Variants in CSRNP3 observed in about 807,000 individuals in gnomAD.
CSRNP3 encodes cysteine/serine-rich nuclear protein 3.
A neutral mutation model predicts 48.0 loss-of-function variants in CSRNP3; 12 were observed. The observed-to-expected ratio is 0.25, with a 90% confidence interval of 0.16 to 0.41. The LOEUF (loss-of-function observed/expected upper bound fraction) is 0.41. Among genes scored for constraint, CSRNP3 ranks in the 10% least tolerant of loss-of-function variants. The pLI is 1.00. For missense variants in CSRNP3, 580 were observed against 724.4 expected (o/e 0.80, Z 2.29); for synonymous variants, 263 against 269.7 (o/e 0.98, Z 0.24).
rs1291170889 is a variant in CSRNP3, at chr2:165,681,760, T to TATACAC, written c.*2008_*2009insTACACA. On this transcript the variant is annotated 3_prime_UTR_variant, in exon 7 of 7. Transcript: ENST00000651982. ...ATATATATATATATATATATATATA[T>TATACAC]ACACACACACACACACATACACATA... The TATACAC allele has an allele frequency of 1.3e-4, 6 of 44,726 alleles. No individual in the cohort carries two copies. Among genetic ancestry groups the TATACAC allele is most frequent in the African/African-American group, 3.0e-4 (5 of 16,410 alleles). 2.8% of individuals were successfully genotyped at this position (44,726 alleles called of 1,614,324 possible).
chr2:165,541,611 TG>T (rs1196312115), intron 3 of CSRNP3, among the ~76,000 whole-genome samples: 1 of 152,096 alleles, frequency 6.6e-6, no homozygotes, highest in Admixed American at 6.6e-5. Flanking sequence ...GATACAAAGG[TG>T]AATTAGATAA....
chr2:165,674,717 T>TAAAA (rs1687393784), intron 5 of CSRNP3, among the ~76,000 whole-genome samples: 1 of 137,910 alleles, frequency 7.3e-6, no homozygotes, highest in African/African-American at 2.7e-5. Flanking sequence ...TATATATAAT[T>TAAAA]TGTTTATTTA....
At position 165,684,616 on chromosome 2, in the gene CSRNP3, TC is replaced by T. The variant is rs1687600282; in HGVS notation, c.*4864del. The stretch of plus-strand genomic sequence containing the variant: ...TTCACCTTCTGATTGCATTACTTTT[TC>T]TGAAATCTGCTAACTAGTGCTGGAA... On this transcript the variant is annotated 3_prime_UTR_variant, in exon 7 of 7. Transcript: ENST00000651982. 2 of 123,492 alleles carry T rather than the reference TC, an allele frequency of 1.6e-5. No individual in the cohort carries two copies. Among genetic ancestry groups the T allele is most frequent in the African/African-American group, 5.2e-5 (2 of 38,494 alleles). The allele number at this position is 123,492 out of a possible 1,614,324, so 7.6% of individuals were successfully genotyped here. A position where few individuals can be genotyped will look rare whatever the true frequency, so the allele number is the denominator to read the frequency against.
chr2:165,536,235 C>CAG (rs1684880162), intron 3 of CSRNP3, among the ~76,000 whole-genome samples: 1 of 151,886 alleles, frequency 6.6e-6, no homozygotes, highest in Admixed American at 6.6e-5. Context: ...GTTATTAGTT[C>CAG]AGTACTGGCA....
At chr2:165,649,049 G>C (rs978091986) in intron 4 of CSRNP3, among the ~76,000 whole-genome samples, 4 of 152,144 alleles carry the variant, frequency 2.6e-5, no homozygotes, top group African/African-American at 9.7e-5. Context: ...GTAACTGACA[G>C]ACTGAATGGA....
intron 4 of CSRNP3, among the ~76,000 whole-genome samples, chr2:165,643,735 T>A (rs1195058624): frequency 6.6e-6 from 1 of 152,224 alleles, no homozygotes; most frequent in Non-Finnish European, 1.5e-5. Flanking sequence ...CTTTGCTTAT[T>A]TCTGCTCCTT....
chr2:165,510,412 A>C (rs576619594), intron 2 of CSRNP3, among the ~76,000 whole-genome samples: 41 of 152,196 alleles, frequency 2.7e-4, no homozygotes, highest in African/African-American at 9.6e-4. Context: ...TACTACCATT[A>C]ATATTTGTTG....
At chr2:165,611,126 G>A (rs1325478850) in intron 4 of CSRNP3, among the ~76,000 whole-genome samples, 1 of 151,956 alleles carries the variant, frequency 6.6e-6, no homozygotes, top group Admixed American at 6.6e-5. Context: ...GGAGGGAGGA[G>A]GGAAGGAAGA....
chr2:165,596,824 G>A (rs781511211), intron 4 of CSRNP3, among the ~76,000 whole-genome samples: 29 of 152,166 alleles, frequency 1.9e-4, no homozygotes, highest in Non-Finnish European at 3.4e-4. Flanking sequence ...GTTGTAAAAT[G>A]TCAAGTACTA....
At chr2:165,661,909 ACTT>A (rs1277181218) in intron 5 of CSRNP3, among the ~76,000 whole-genome samples, 1 of 152,122 alleles carries the variant, frequency 6.6e-6, no homozygotes, top group African/African-American at 2.4e-5. Flanking sequence ...TTTTCCTTCT[ACTT>A]CTTTGAGAAC....
intron 3 of CSRNP3, among the ~76,000 whole-genome samples, chr2:165,519,536 A>C (rs996465740): frequency 3.3e-5 from 5 of 152,102 alleles, no homozygotes; most frequent in Non-Finnish European, 7.4e-5. Flanking sequence ...AATGCAAGTA[A>C]AGTAATTTAA....
At chr2:165,574,240 C>A (rs1274853476) in intron 3 of CSRNP3, 4 of 681,002 alleles carry the variant, frequency 5.9e-6, no homozygotes, top group East Asian at 2.9e-5. Context: ...GCTTTGACTG[C>A]AGAAGCGAGA....
chr2:165,616,866 G>GT (rs1686254680), intron 4 of CSRNP3, among the ~76,000 whole-genome samples: 1 of 151,432 alleles, frequency 6.6e-6, no homozygotes, highest in South Asian at 2.1e-4. Flanking sequence ...TTTGTTTTTT[G>GT]TTTTTTGGTC....
At chr2:165,510,920 G>A (rs1289566882) in intron 2 of CSRNP3, among the ~76,000 whole-genome samples, 1 of 152,176 alleles carries the variant, frequency 6.6e-6, no homozygotes, top group African/African-American at 2.4e-5. Context: ...TGTCAGAGAA[G>A]TCTCAGAACT....
At chr2:165,559,073 TGAGAGAGAGA>T (rs144620618) in intron 3 of CSRNP3, among the ~76,000 whole-genome samples, 1 of 149,268 alleles carries the variant, frequency 6.7e-6, no homozygotes, top group Non-Finnish European at 1.5e-5. Context: ...CAGAGACTAC[TGAGAGAGAGA>T]GAGAGAGAGA....
chr2:165,573,721 T>A (rs1311918929), intron 3 of CSRNP3, among the ~76,000 whole-genome samples: 1 of 152,170 alleles, frequency 6.6e-6, no homozygotes, highest in East Asian at 1.9e-4. Flanking sequence ...AGAATTACTA[T>A]AGTGACCTCA....
At chr2:165,597,425 T>G (rs1469285665) in intron 4 of CSRNP3, among the ~76,000 whole-genome samples, 1 of 152,032 alleles carries the variant, frequency 6.6e-6, no homozygotes, top group African/African-American at 2.4e-5. Context: ...CTTAGGAAAT[T>G]TGAAAAAGAA....
chr2:165,559,466 A>G (rs1685202039), intron 3 of CSRNP3, among the ~76,000 whole-genome samples: 1 of 152,220 alleles, frequency 6.6e-6, no homozygotes, highest in African/African-American at 2.4e-5. Flanking sequence ...AAAACTTTAA[A>G]TACACTAGAC....
intron 3 of CSRNP3, among the ~76,000 whole-genome samples, chr2:165,559,902 C>G (rs551674466): frequency 6.8e-6 from 1 of 146,980 alleles, no homozygotes; most frequent in African/African-American, 2.5e-5. Flanking sequence ...TGGGTTCATG[C>G]CATTCTCCTG....
Sources: allele counts gnomAD v4.1 joint callset (sites outside exome capture counted in the v4.1 genomes callset), GRCh38; gene constraint gnomAD v4.1.1; transcripts MANE v1.5; gene names NCBI Gene and HGNC (gene_info 2026-07-23, HGNC 2026-07-21).